ANKRD12: variants seen among roughly 807,000 people sequenced by gnomAD.
ANKRD12 encodes the protein ankyrin repeat domain-containing protein 12.
In ANKRD12, 85 loss-of-function variants were observed where a neutral mutation model predicts 183.4. The ratio of observed to expected loss-of-function variants is 0.46; its 90% CI spans 0.39 to 0.56. ANKRD12 has a LOEUF of 0.56. Among genes scored for constraint, ANKRD12 ranks in the 20% least tolerant of loss-of-function variants. ANKRD12 has a pLI of 0.00. For missense variants in ANKRD12, 2,405 were observed against 2,357.1 expected, an observed-to-expected ratio of 1.02 and a Z score of -0.42; for synonymous variants, 914 against 800.2, an observed-to-expected ratio of 1.14 and a Z score of -2.40.
intron 10 of ANKRD12, among the ~76,000 whole-genome samples, chr18:9,268,349 G>C (rs950782076): frequency 2.5e-4 from 38 of 152,310 alleles, no homozygotes; most frequent in African/African-American, 8.4e-4. Flanking sequence ...TATCCCTGAT[G>C]AACATCGATG....
chr18:9,144,342 T>C (rs1205935023), intron 1 of ANKRD12, among the ~76,000 whole-genome samples: 1 of 152,206 alleles, frequency 6.6e-6, no homozygotes, highest in Non-Finnish European at 1.5e-5. Flanking sequence ...ACAAATATTA[T>C]TTTATAGCAC....
chr18:9,155,870 A>G (rs941225825), intron 1 of ANKRD12, among the ~76,000 whole-genome samples: 5 of 152,068 alleles, frequency 3.3e-5, no homozygotes, highest in African/African-American at 1.2e-4. Flanking sequence ...TGATGTTTAC[A>G]TTGTAGAAAT....
At chr18:9,263,152 C>A (rs1256383191) in intron 9 of ANKRD12, among the ~76,000 whole-genome samples, 2 of 152,076 alleles carry the variant, frequency 1.3e-5, no homozygotes, top group African/African-American at 4.8e-5. Context: ...GCTTCCTTAA[C>A]CTCCAGCATC....
At chr18:9,266,232 C>T (rs946970046) in intron 10 of ANKRD12, among the ~76,000 whole-genome samples, 3 of 152,176 alleles carry the variant, frequency 2.0e-5, no homozygotes, top group African/African-American at 4.8e-5. Context: ...TCTAGCAAGG[C>T]AGACCAACAT....
At chr18:9,147,124 C>G (rs975040228) in intron 1 of ANKRD12, among the ~76,000 whole-genome samples, 1 of 152,086 alleles carries the variant, frequency 6.6e-6, no homozygotes, top group African/African-American at 2.4e-5. Flanking sequence ...TTTTTAGGAT[C>G]TCAGGCTTAT....
chr18:9,239,462 G>A (rs1420105639), intron 8 of ANKRD12: 3 of 1,209,450 alleles, frequency 2.5e-6, no homozygotes, highest in Non-Finnish European at 3.3e-6. Context: ...CATCAGCTAT[G>A]TATTGATTTT....
intron 8 of ANKRD12, among the ~76,000 whole-genome samples, chr18:9,227,962 C>G (rs575653931): frequency 3.3e-5 from 5 of 152,256 alleles, no homozygotes; most frequent in African/African-American, 1.2e-4. Context: ...CCCACCAATC[C>G]CCTTCCCATT....
At chr18:9,261,160 C>T (rs2038942596) in intron 9 of ANKRD12, among the ~76,000 whole-genome samples, 1 of 152,180 alleles carries the variant, frequency 6.6e-6, no homozygotes, top group Non-Finnish European at 1.5e-5. Flanking sequence ...ATCTTGTCCC[C>T]ATGGTGTCTG....
At chr18:9,250,973 T>A (rs1030543508) in intron 8 of ANKRD12, among the ~76,000 whole-genome samples, 3 of 152,176 alleles carry the variant, frequency 2.0e-5, no homozygotes, top group Non-Finnish European at 4.4e-5. Flanking sequence ...GTTAGTTGAC[T>A]AGAAGTTTTT....
intron 11 of ANKRD12, 60 bp from the exon 12 acceptor site, chr18:9,279,489 A>C: frequency 1.0e-6 from 1 of 969,678 alleles, no homozygotes; most frequent in Non-Finnish European, 1.6e-6. Context: ...AAATACTATA[A>C]TGGCATATAG....
chr18:9,284,755 C>G lies in ANKRD12; in HGVS notation c.*3629C>G, dbSNP rs183487776. 9 of 151,952 alleles carry G rather than the reference C, an allele frequency of 5.9e-5. No homozygotes were observed. Among genetic ancestry groups the G allele is most frequent in the African/African-American group, 1.9e-4 (8 of 41,458 alleles). 9.4% of individuals were successfully genotyped at this position (151,952 alleles called of 1,614,324 possible). On this transcript the variant is annotated 3_prime_UTR_variant, in exon 13 of 13. Transcript: ENST00000262126. ...TAGAAAAAACTGAGGCAAATTAAAA[C>G]AATTCCATTAATCAAAATGGCTTTA... is the stretch of plus-strand genomic sequence containing the variant.
chr18:9,256,543 A>G lies in ANKRD12; in HGVS notation c.3276A>G (p.Glu1092=). ...TAAGCCTTAAAGACCTAGAAATAGA[A>G]CAGTGGCACAAAAAACATAAGGAAA... is the stretch of plus-strand genomic sequence containing the variant. The part of the protein sequence containing the change: ...RMLSLKDLEI[E]QWHKKHKEKI... The change falls in exon 9 of 13, where the codon GAA becomes GAG. Residue 1092 remains glutamate (E), a synonymous_variant. Coordinates refer to ENST00000262126, the MANE Select transcript of ANKRD12 (RefSeq NM_015208.5). 4 of 1,599,340 alleles carry G rather than the reference A, an allele frequency of 2.5e-6. No homozygotes were observed. The East Asian group carries it at 8.9e-5, about 36-fold the overall frequency.
intron 2 of ANKRD12, 84 bp downstream of exon 2, chr18:9,182,603 G>T: frequency 2.3e-6 from 2 of 873,958 alleles, no homozygotes; most frequent in East Asian, 3.0e-5. Context: ...TTTCTCGTAA[G>T]ATAAAAACCA....
chr18:9,239,225 TAAG>T (rs1376911074), intron 8 of ANKRD12, among the ~76,000 whole-genome samples: 1 of 152,232 alleles, frequency 6.6e-6, no homozygotes, highest in East Asian at 1.9e-4. Flanking sequence ...CTCTGGATAT[TAAG>T]AAATCTCAAA....
intron 1 of ANKRD12, among the ~76,000 whole-genome samples, chr18:9,173,921 C>G (rs1339963038): frequency 2.6e-5 from 4 of 152,186 alleles, no homozygotes; most frequent in Non-Finnish European, 5.9e-5. Context: ...TCAACTGAAC[C>G]GCAGAGACAT....
At chr18:9,260,682 AAG>A (rs1474901395) in intron 9 of ANKRD12, among the ~76,000 whole-genome samples, 2 of 152,208 alleles carry the variant, frequency 1.3e-5, no homozygotes, top group African/African-American at 2.4e-5. Flanking sequence ...CAGATATTGA[AAG>A]AGAAAATCTC....
chr18:9,262,252 C>G (rs1173053571), intron 9 of ANKRD12, among the ~76,000 whole-genome samples: 1 of 152,136 alleles, frequency 6.6e-6, no homozygotes, highest in East Asian at 1.9e-4. Flanking sequence ...CCTGGTTGTC[C>G]TACTTTCATG....
chr18:9,208,964 A>G (rs923859488), intron 5 of ANKRD12, among the ~76,000 whole-genome samples, 161 bp downstream of exon 5: 1 of 152,186 alleles, frequency 6.6e-6, no homozygotes, highest in Non-Finnish European at 1.5e-5. Context: ...TATTTGTGTG[A>G]CAGTTTATCA....
intron 1 of ANKRD12, among the ~76,000 whole-genome samples, chr18:9,153,418 T>A (rs1226124886): frequency 1.3e-5 from 2 of 152,216 alleles, no homozygotes; most frequent in African/African-American, 4.8e-5. Context: ...TCTAGAACAT[T>A]TTGAAATCCT....
Sources: allele counts gnomAD v4.1 joint callset (sites outside exome capture counted in the v4.1 genomes callset), GRCh38; gene constraint gnomAD v4.1.1; transcripts MANE v1.5; gene names NCBI Gene and HGNC (gene_info 2026-07-23, HGNC 2026-07-21).